DEPTOR: variants seen among roughly 807,000 people sequenced by gnomAD.
DEPTOR encodes the protein DEP domain containing MTOR interacting protein.
DEPTOR carries 41 observed loss-of-function variants against 41.6 expected under a neutral mutation model. The observed-to-expected ratio is 0.98, with a 90% CI of 0.77 to 1.28. DEPTOR has a LOEUF of 1.28. Ranked by LOEUF, DEPTOR falls within the 50% of genes most tolerant of loss-of-function variation. The pLI is 0.00. For synonymous variants in DEPTOR, 195 were observed against 192.3 expected, an observed-to-expected ratio of 1.01 and a Z score of -0.12; for missense variants, 514 against 527.9, an observed-to-expected ratio of 0.97 and a Z score of 0.26.
chr8:119,960,888 G>A (rs1828481152), intron 3 of DEPTOR, among the ~76,000 whole-genome samples: 1 of 152,030 alleles, frequency 6.6e-6, no homozygotes. Context: ...GGAGGCTAAG[G>A]CAGGATAATT....
chr8:120,032,351 T>A (rs1812904909), intron 8 of DEPTOR, among the ~76,000 whole-genome samples: 1 of 151,992 alleles, frequency 6.6e-6, no homozygotes, highest in African/African-American at 2.4e-5. Context: ...CCCGAGTAGC[T>A]GGGCTTAAAA....
intron 1 of DEPTOR, among the ~76,000 whole-genome samples, chr8:119,917,881 C>T (rs1472119661): frequency 2.6e-5 from 4 of 152,182 alleles, no homozygotes; most frequent in East Asian, 3.9e-4. Context: ...CGCCTTAGGG[C>T]GGAGGTGGAA....
chr8:119,878,616 C>T (rs1268972560), intron 1 of DEPTOR, among the ~76,000 whole-genome samples: 2 of 151,832 alleles, frequency 1.3e-5, no homozygotes, highest in East Asian at 3.9e-4. Flanking sequence ...CGTGAGCCAC[C>T]ATGCCCGGCC....
At chr8:120,001,500 T>A (rs751087586) in intron 4 of DEPTOR, 25 bp from the exon 5 acceptor site, 8 of 1,577,070 alleles carry the variant, frequency 5.1e-6, no homozygotes, top group Non-Finnish European at 6.9e-6. Context: ...TAGTCCTCAT[T>A]GGTTGTTTTT....
intron 8 of DEPTOR, among the ~76,000 whole-genome samples, chr8:120,012,212 G>C (rs909130701): frequency 1.3e-5 from 2 of 152,156 alleles, no homozygotes; most frequent in African/African-American, 4.8e-5. Context: ...TATTGGAATT[G>C]ATATAAAGTC....
At chr8:119,976,084 A>G (rs1828693669) in intron 4 of DEPTOR, among the ~76,000 whole-genome samples, 2 of 148,314 alleles carry the variant, frequency 1.3e-5, no homozygotes, top group Admixed American at 6.7e-5. Context: ...CTGGTCTTGA[A>G]CTCCTGACCT....
At chr8:119,952,369 C>G (rs1032697686) in intron 3 of DEPTOR, among the ~76,000 whole-genome samples, 12 of 152,180 alleles carry the variant, frequency 7.9e-5, no homozygotes, top group African/African-American at 2.7e-4. Context: ...CACCTCCACA[C>G]AGGACACAGG....
intron 5 of DEPTOR, 43 bp from the exon 6 acceptor site, chr8:120,002,934 G>T: frequency 6.5e-7 from 1 of 1,542,622 alleles, no homozygotes; most frequent in East Asian, 2.5e-5. Flanking sequence ...AGTGAGCCGA[G>T]ACCACCCCCT....
At chr8:120,002,183 A>G (rs1028366432) in intron 5 of DEPTOR, among the ~76,000 whole-genome samples, 1 of 152,166 alleles carries the variant, frequency 6.6e-6, no homozygotes. Context: ...TCTGTTGCCC[A>G]GGCTAGAGTG....
rs1197964581 is a variant in DEPTOR at position 120,050,121 on chromosome 8, C to T, written c.*417C>T. 6.5e-6 allele frequency: 1 copy of T among 153,934 alleles called. No individual in the cohort carries two copies. Among genetic ancestry groups the T allele is most frequent in the Non-Finnish European group, 1.4e-5 (1 of 69,248 alleles). The allele number at this position is 153,934 out of a possible 1,614,324, so 9.5% of individuals were successfully genotyped here. A position where few individuals can be genotyped will look rare whatever the true frequency, so the allele number is the denominator to read the frequency against. On this transcript the variant is annotated 3_prime_UTR_variant, in exon 9 of 9. Coordinates refer to ENST00000286234, the MANE Select transcript of DEPTOR (RefSeq NM_022783.4). ...TACTTTCTCCAAAATTAGCATGCAG[C>T]TATTTAATAGGGAATCTAGATTTCA...
At chr8:119,903,611 G>C (rs544677373) in intron 1 of DEPTOR, among the ~76,000 whole-genome samples, 2 of 152,304 alleles carry the variant, frequency 1.3e-5, no homozygotes, top group East Asian at 3.9e-4. Flanking sequence ...TTTGGTATTA[G>C]ATCAGGGATG....
At chr8:119,993,768 A>AT (rs554849570) in intron 4 of DEPTOR, among the ~76,000 whole-genome samples, 2,277 of 147,128 alleles carry the variant, frequency 0.015, 51 homozygotes, top group African/African-American at 0.051. Context: ...CATATCATGG[A>AT]TTTTTTTTTT....
rs553459922 is a variant in DEPTOR, at chr8:119,972,381, G to A, written c.604+6971G>A. 5.8e-4 allele frequency among the ~76,000 whole-genome samples: 89 copies of A among 152,296 alleles called. 1 individual carries two copies. Among genetic ancestry groups the A allele is most frequent in the African/African-American group, 2.1e-3 (87 of 41,566 alleles). Reference sequence around the variant, plus strand: ...CTCAGGCCTGTAATCCCAGCACTTTGGGAGGCTGAGGCAGACGGATCACTT... The same window carrying A: ...CTCAGGCCTGTAATCCCAGCACTTTAGGAGGCTGAGGCAGACGGATCACTT... On this transcript the variant is annotated intron_variant, in intron 4 of 8. Coordinates refer to ENST00000286234, the MANE Select transcript of DEPTOR (RefSeq NM_022783.4).
chr8:120,035,771 A>T (rs1356831690), intron 8 of DEPTOR, among the ~76,000 whole-genome samples: 1 of 152,180 alleles, frequency 6.6e-6, no homozygotes, highest in Non-Finnish European at 1.5e-5. Context: ...ATCTCAGGTG[A>T]TCCACCTGCC....
chr8:119,991,084 TTCTTTTTCTTTCTTTC>T (rs1311516751), intron 4 of DEPTOR, among the ~76,000 whole-genome samples: 84 of 75,674 alleles, frequency 1.1e-3, no homozygotes, highest in African/African-American at 4.0e-3. Context: ...CTTTCTTTCT[TTCTTTTTCTTTCTTTC>T]TTTCTTTCTT....
At chr8:119,988,717 A>G (rs1006621009) in intron 4 of DEPTOR, among the ~76,000 whole-genome samples, 10 of 152,238 alleles carry the variant, frequency 6.6e-5, no homozygotes, top group African/African-American at 2.2e-4. Flanking sequence ...TCCTGACCTC[A>G]AGCGAACTGC....
At chr8:119,903,786 C>T (rs1048295665) in intron 1 of DEPTOR, among the ~76,000 whole-genome samples, 2 of 152,170 alleles carry the variant, frequency 1.3e-5, no homozygotes, top group African/African-American at 4.8e-5. Flanking sequence ...TCTGCTCAGT[C>T]CTGCAGGCAT....
chr8:119,898,954 A>G (rs1428588532), intron 1 of DEPTOR, among the ~76,000 whole-genome samples: 1 of 152,216 alleles, frequency 6.6e-6, no homozygotes, highest in Non-Finnish European at 1.5e-5. Flanking sequence ...CTCTCTGTGC[A>G]GCCTGTGCCA....
chr8:119,907,045 G>A (rs879683562), intron 1 of DEPTOR, among the ~76,000 whole-genome samples: 6 of 152,120 alleles, frequency 3.9e-5, no homozygotes, highest in Non-Finnish European at 8.8e-5. Flanking sequence ...TCCTCCCACC[G>A]TGGCTCTTAC....
Sources: gnomAD v4.1 joint callset for allele counts (sites outside exome capture counted in the v4.1 genomes callset) on GRCh38, gnomAD v4.1.1 for gene constraint, MANE v1.5 for transcripts, NCBI Gene and HGNC (gene_info 2026-07-23, HGNC 2026-07-21) for gene names.